Variants in CLASP1 observed in about 807,000 individuals in gnomAD.
CLASP1 encodes the protein CLIP-associating protein 1.
A neutral mutation model predicts 192.3 loss-of-function variants in CLASP1; 38 were observed. The ratio of observed to expected loss-of-function variants is 0.20; its 90% CI spans 0.15 to 0.26. CLASP1 has a LOEUF of 0.26. Ranked by LOEUF, CLASP1 falls within the 10% of genes least tolerant of loss-of-function variation. The pLI is 1.00. For missense variants in CLASP1, 1,433 were observed against 1,932.5 expected (o/e 0.74, Z 4.85); for synonymous variants, 691 against 712.8 (o/e 0.97, Z 0.49).
chr2:121,362,952 G>A (rs1312275663), intron 37 of CLASP1, among the ~76,000 whole-genome samples: 12 of 152,246 alleles, frequency 7.9e-5, no homozygotes, highest in Non-Finnish European at 1.8e-4. Flanking sequence ...TGGAAACAGT[G>A]AGCAGGAGCT....
chr2:121,518,905 A>C (rs1198540279), intron 6 of CLASP1, among the ~76,000 whole-genome samples: 2 of 152,148 alleles, frequency 1.3e-5, no homozygotes, highest in Admixed American at 6.5e-5. Context: ...AAAAATGCAT[A>C]TATTACAGAA....
intron 1 of CLASP1, among the ~76,000 whole-genome samples, chr2:121,629,886 G>A (rs910810413): frequency 1.2e-4 from 18 of 152,018 alleles, no homozygotes; most frequent in South Asian, 2.1e-4. Flanking sequence ...CATAGAAAAC[G>A]TATGGAAGGG....
At position 121,519,823 on chromosome 2, in the gene CLASP1, AG is replaced by A. The variant is rs1333205057; in HGVS notation, c.547-4062del. On this transcript the variant is annotated intron_variant, in intron 6 of 39. Coordinates refer to ENST00000263710, the Ensembl canonical transcript of CLASP1. ...CAGGTATTCTTTGGTACTGCAAAGT[AG>A]GACACTCTAATAGAGAAGAGGTTTA... 4.6e-5 allele frequency among the ~76,000 whole-genome samples: 7 copies of A among 152,358 alleles called. No individual in the cohort carries two copies. The East Asian group carries it at 1.4e-3, about 29-fold the overall frequency.
chr2:121,561,426 G>A (rs777640141), intron 2 of CLASP1, among the ~76,000 whole-genome samples: 11 of 152,144 alleles, frequency 7.2e-5, no homozygotes, highest in South Asian at 4.1e-4. Context: ...GTAGCTTGCA[G>A]TGCACTGATC....
chr2:121,360,625 A>G (rs1297347668), intron 37 of CLASP1, among the ~76,000 whole-genome samples: 4 of 152,050 alleles, frequency 2.6e-5, no homozygotes, highest in Non-Finnish European at 5.9e-5. Context: ...AAAGGAACGA[A>G]AAATGAAAAC....
Position 121,524,648 on chromosome 2 carries a change from G to C in CLASP1, c.546+1197C>G, listed in dbSNP as rs546673945. Among the ~76,000 whole-genome samples, 301 of 152,010 alleles carry C rather than the reference G, an allele frequency of 2.0e-3. 1 individual carries two copies. Among genetic ancestry groups the C allele is most frequent in the African/African-American group, 5.9e-3 (243 of 41,470 alleles). On this transcript the variant is annotated intron_variant, in intron 6 of 39. Transcript: ENST00000263710. ...ATTTTTGTATTTTTGGTAGAGATGG[G>C]GTTTCACCATGTTGGTCTGGCTGGT...
chr2:121,481,337 A>T (rs1350508587), intron 8 of CLASP1, among the ~76,000 whole-genome samples: 1 of 152,210 alleles, frequency 6.6e-6, no homozygotes, highest in Non-Finnish European at 1.5e-5. Flanking sequence ...AAAAAAATGT[A>T]TGGACATTAT....
intron 7 of CLASP1, among the ~76,000 whole-genome samples, chr2:121,509,622 G>A (rs139464779): frequency 1.3e-5 from 2 of 152,184 alleles, no homozygotes; most frequent in South Asian, 4.1e-4. Context: ...TGGAACACAC[G>A]AGGGCAGAAG....
At chr2:121,635,067 T>C (rs554871066) in intron 1 of CLASP1, among the ~76,000 whole-genome samples, 2 of 152,224 alleles carry the variant, frequency 1.3e-5, no homozygotes, top group South Asian at 4.1e-4. Flanking sequence ...CTAGGCACTG[T>C]GGCTCACACC....
intron 5 of CLASP1, 73 bp from the exon 6 acceptor site, chr2:121,525,993 C>T: frequency 9.3e-7 from 1 of 1,069,870 alleles, no homozygotes. Context: ...CTGCCCACAC[C>T]TGCCCTTCCC....
intron 15 of CLASP1, among the ~76,000 whole-genome samples, chr2:121,451,248 A>AT (rs1020507853): frequency 1.4e-4 from 22 of 152,184 alleles, no homozygotes; most frequent in African/African-American, 5.1e-4. Context: ...CTCTTGTGGG[A>AT]TTTTTTTTAA....
intron 2 of CLASP1, among the ~76,000 whole-genome samples, chr2:121,599,587 CAAAAAAAAAAA>C (rs763909303): frequency 3.2e-4 from 13 of 41,212 alleles, no homozygotes; most frequent in Admixed American, 1.2e-3. Context: ...GACTCCATCT[CAAAAAAAAAAA>C]AAAAAAAAAA....
At chr2:121,397,051 G>T in intron 30 of CLASP1, 89 bp downstream of exon 31, 1 of 1,299,856 alleles carries the variant, frequency 7.7e-7, no homozygotes, top group Non-Finnish European at 1.1e-6. Flanking sequence ...TTTGTGGGTG[G>T]GTGGCACGGT....
At chr2:121,459,332 T>C (rs2087382893) in intron 12 of CLASP1, among the ~76,000 whole-genome samples, 1 of 152,118 alleles carries the variant, frequency 6.6e-6, no homozygotes. Flanking sequence ...CTGCCCCAGC[T>C]AGTCTTAAAA....
chr2:121,347,004 G>A (rs750562503), intron 39 of CLASP1, 34 bp downstream of exon 40: 77 of 1,310,954 alleles, frequency 5.9e-5, no homozygotes, highest in Non-Finnish European at 7.2e-5. Flanking sequence ...CAGAGCCCAG[G>A]TGTGCGTATC....
At chr2:121,467,234 C>T (rs903666638) in intron 9 of CLASP1, among the ~76,000 whole-genome samples, 1 of 152,224 alleles carries the variant, frequency 6.6e-6, no homozygotes, top group African/African-American at 2.4e-5. Flanking sequence ...GTTGATCCCA[C>T]ATCTTTGCTA....
chr2:121,554,146 G>A (rs2058305106), intron 2 of CLASP1, among the ~76,000 whole-genome samples: 1 of 151,830 alleles, frequency 6.6e-6, no homozygotes, highest in South Asian at 2.1e-4. Context: ...AGCCTGGGAG[G>A]TCAAGGCTAC....
chr2:121,634,147 T>C (rs2070353904), intron 1 of CLASP1, among the ~76,000 whole-genome samples: 1 of 152,170 alleles, frequency 6.6e-6, no homozygotes, highest in Non-Finnish European at 1.5e-5. Flanking sequence ...AGTTTTCCCA[T>C]AGTAGCACGC....
chr2:121,602,577 C>T (rs1347353347), intron 2 of CLASP1, among the ~76,000 whole-genome samples: 1 of 152,152 alleles, frequency 6.6e-6, no homozygotes, highest in African/African-American at 2.4e-5. Flanking sequence ...GCTGTAGTAA[C>T]CAAAACAACC....
Sources: gnomAD v4.1 joint callset for allele counts (sites outside exome capture counted in the v4.1 genomes callset) on GRCh38, gnomAD v4.1.1 for gene constraint, MANE v1.5 for transcripts, NCBI Gene and HGNC (gene_info 2026-07-23, HGNC 2026-07-21) for gene names.